CCDC174: variants seen among roughly 807,000 people sequenced by gnomAD.
CCDC174 encodes coiled-coil domain containing 174.
CCDC174 carries 37 observed loss-of-function variants against 57.1 expected under a neutral mutation model. The ratio of observed to expected loss-of-function variants is 0.65; its 90% CI spans 0.50 to 0.85. The LOEUF (loss-of-function observed/expected upper bound fraction) is 0.85, where lower values mean the gene tolerates loss of function less well. Ranked by LOEUF, CCDC174 falls within the 40% of genes least tolerant of loss-of-function variation. The pLI, the probability that CCDC174 is intolerant of heterozygous loss-of-function variation, is 0.00. For missense variants in CCDC174, 540 were observed against 574.3 expected, an observed-to-expected ratio of 0.94 and a Z score of 0.61; for synonymous variants, 182 against 190.2, an observed-to-expected ratio of 0.96 and a Z score of 0.35.
chr3:14,663,845 T>A (rs2031229678), intron 5 of CCDC174, among the ~76,000 whole-genome samples: 1 of 152,246 alleles, frequency 6.6e-6, no homozygotes, highest in Non-Finnish European at 1.5e-5. Context: ...ATTGAAGGTG[T>A]CACATGCCAC....
At chr3:14,665,214 A>G in intron 6 of CCDC174, 91 bp downstream of exon 6, 1 of 882,004 alleles carries the variant, frequency 1.1e-6, no homozygotes, top group Non-Finnish European at 1.9e-6. Context: ...ATAATTAATG[A>G]TCTCTGTTGC....
intron 4 of CCDC174, among the ~76,000 whole-genome samples, chr3:14,660,775 C>T (rs2031105949): frequency 1.3e-5 from 2 of 152,236 alleles, no homozygotes; most frequent in Admixed American, 1.3e-4. Context: ...GTAGCTTAAT[C>T]TCTGTCATCA....
At chr3:14,656,584 T>C (rs939375521) in intron 3 of CCDC174, among the ~76,000 whole-genome samples, 3 of 152,214 alleles carry the variant, frequency 2.0e-5, no homozygotes, top group African/African-American at 7.2e-5. Context: ...GGTTAAGGTA[T>C]ATATGCTTGG....
intron 2 of CCDC174, 58 bp downstream of exon 2, chr3:14,654,588 A>G: frequency 1.2e-6 from 1 of 828,838 alleles, no homozygotes; most frequent in Non-Finnish European, 1.9e-6. Context: ...ATTATACCAT[A>G]TTTAAGTGTT....
rs768513139 is a variant in CCDC174 at position 14,658,959 on chromosome 3, T to G, written c.307+30T>G. On this transcript the variant is annotated intron_variant, in intron 4 of 10. Transcript: ENST00000383794. ...ATAAAATTTGTTATTTCTACTTCAT[T>G]TTCTATAATGCATACAGCCCTTTGA... 12 of 1,461,642 alleles carry G rather than the reference T, an allele frequency of 8.2e-6. No homozygotes were observed. In the African/African-American group the frequency reaches 1.7e-4, roughly 21 times the overall value. 90.5% of individuals were successfully genotyped at this position (1,461,642 alleles called of 1,614,324 possible).
chr3:14,670,339 A>G (rs1235574046), intron 10 of CCDC174, among the ~76,000 whole-genome samples: 1 of 152,232 alleles, frequency 6.6e-6, no homozygotes, highest in African/African-American at 2.4e-5. Flanking sequence ...GGATTCACAC[A>G]TGGTTCCATT....
intron 6 of CCDC174, among the ~76,000 whole-genome samples, chr3:14,666,388 C>T (rs986470759): frequency 2.6e-5 from 4 of 152,222 alleles, no homozygotes; most frequent in Non-Finnish European, 5.9e-5. Flanking sequence ...TTTGGGAGGC[C>T]AAGGCAGGCG....
At position 14,671,422 on chromosome 3, in the gene CCDC174, G is replaced by C. The variant is rs1313901720; in HGVS notation, c.*228G>C. The C allele has an allele frequency of 1.9e-6, 1 of 523,968 alleles. No individual in the cohort carries two copies. Among genetic ancestry groups the C allele is most frequent in the Non-Finnish European group, 3.4e-6 (1 of 296,676 alleles). 32.5% of individuals were successfully genotyped at this position (523,968 alleles called of 1,614,324 possible). A position where few individuals can be genotyped will look rare whatever the true frequency, so the allele number is the denominator to read the frequency against. ...GACATACCTACCTGGATTTACATGT[G>C]AGCTGCGATAGAATAGAAGTATTTA... On this transcript the variant is annotated 3_prime_UTR_variant, in exon 11 of 11. Coordinates refer to ENST00000383794, the MANE Select transcript of CCDC174 (RefSeq NM_016474.5).
chr3:14,654,313 A>G (rs2030876666), intron 1 of CCDC174, 113 bp from the exon 2 acceptor site: 2 of 660,696 alleles, frequency 3.0e-6, no homozygotes, highest in African/African-American at 1.9e-5. Flanking sequence ...TTTTTTAGCC[A>G]TATTTGTCCA....
chr3:14,658,657 AT>A (rs1327915470), intron 3 of CCDC174, among the ~76,000 whole-genome samples: 2 of 152,216 alleles, frequency 1.3e-5, no homozygotes, highest in Admixed American at 6.5e-5. Context: ...GACACAGGCC[AT>A]GCACTCACGG....
chr3:14,663,287 G>A (rs557587026), intron 5 of CCDC174, among the ~76,000 whole-genome samples: 93 of 152,280 alleles, frequency 6.1e-4, no homozygotes, highest in Admixed American at 1.4e-3. Context: ...TATTACAGGC[G>A]TGAGCCACCA....
At chr3:14,661,207 C>T (rs2031123391) in intron 4 of CCDC174, among the ~76,000 whole-genome samples, 1 of 152,206 alleles carries the variant, frequency 6.6e-6, no homozygotes, top group Non-Finnish European at 1.5e-5. Context: ...AGTTTTGCTT[C>T]CGTATGATGT....
Position 14,671,429 on chromosome 3 carries a change from G to A in CCDC174, c.*235G>A, listed in dbSNP as rs76344242. 974 of 511,692 alleles carry A rather than the reference G, an allele frequency of 1.9e-3. 3 individuals are homozygous for A. Among genetic ancestry groups the A allele is most frequent in the African/African-American group, 0.015 (800 of 52,150 alleles). The allele number at this position is 511,692 out of a possible 1,614,324, so 31.7% of individuals were successfully genotyped here. A position where few individuals can be genotyped will look rare whatever the true frequency, so the allele number is the denominator to read the frequency against. ...CTACCTGGATTTACATGTGAGCTGC[G>A]ATAGAATAGAAGTATTTATTCTGTA... On this transcript the variant is annotated 3_prime_UTR_variant, in exon 11 of 11. Coordinates refer to ENST00000383794, the MANE Select transcript of CCDC174 (RefSeq NM_016474.5).
rs1286372545 is a variant in CCDC174 at position 14,667,637 on chromosome 3, A to C, written c.819+119A>C. On this transcript the variant is annotated intron_variant, in intron 8 of 10. Transcript: ENST00000383794. The stretch of plus-strand genomic sequence containing the variant: ...AATTAAAATTGATATTCAGAATTGC[A>C]TAAAGGTAGTTGCCATACTATTTTT... The C allele has an allele frequency of 6.6e-6, 5 of 757,976 alleles. No homozygotes were observed. The African/African-American group carries it at 8.8e-5, about 13-fold the overall frequency. The allele number at this position is 757,976 out of a possible 1,614,324, so 47.0% of individuals were successfully genotyped here. A position where few individuals can be genotyped will look rare whatever the true frequency, so the allele number is the denominator to read the frequency against.
At chr3:14,663,485 G>A (rs2031219303) in intron 5 of CCDC174, among the ~76,000 whole-genome samples, 1 of 152,174 alleles carries the variant, frequency 6.6e-6, no homozygotes, top group African/African-American at 2.4e-5. Context: ...GTTAATAAGC[G>A]TTTCATGGGT....
At chr3:14,653,951 C>T (rs1042575178) in intron 1 of CCDC174, among the ~76,000 whole-genome samples, 1 of 152,158 alleles carries the variant, frequency 6.6e-6, no homozygotes, top group Admixed American at 6.5e-5. Flanking sequence ...AAATTACTTT[C>T]CTTGTTACAT....
chr3:14,667,882 TAGG>T, intron 8 of CCDC174, 164 bp from the exon 9 acceptor site: 1 of 643,500 alleles, frequency 1.6e-6, no homozygotes, highest in Non-Finnish European at 2.7e-6. Context: ...AGAGGGTTCA[TAGG>T]AGAGTACTTC....
rs759815667 is a variant in CCDC174 at position 14,666,935 on chromosome 3, A to G, written c.712A>G (p.Ile238Val). 29 of 1,576,544 alleles carry G rather than the reference A, an allele frequency of 1.8e-5. No homozygotes were observed. Among genetic ancestry groups the G allele is most frequent in the East Asian group, 6.8e-5 (3 of 44,096 alleles). Residue 238 changes from isoleucine to valine, a missense_variant, in exon 7 of 11, where the codon ATT becomes GTT. Coordinates refer to ENST00000383794, the MANE Select transcript of CCDC174 (RefSeq NM_016474.5). ...CATGGGGCCCGTACATTATGAAGAC[A>G]TTCGGGAAAATGGTATGACTATTTT... Reference protein sequence around the residue: ...RPMGPVHYEDIRENEARQLGV... With the variant: ...RPMGPVHYEDVRENEARQLGV...
chr3:14,661,424 G>A (rs1429897405), intron 4 of CCDC174, 106 bp from the exon 5 acceptor site: 3 of 858,270 alleles, frequency 3.5e-6, no homozygotes, highest in Non-Finnish European at 5.5e-6. Context: ...TGGCTGATGA[G>A]CTGTCAGGGG....
Sources: gnomAD v4.1 joint callset for allele counts (sites outside exome capture counted in the v4.1 genomes callset) on GRCh38, gnomAD v4.1.1 for gene constraint, MANE v1.5 for transcripts, NCBI Gene and HGNC (gene_info 2026-07-23, HGNC 2026-07-21) for gene names.